PALLD: variants seen among roughly 807,000 people sequenced by gnomAD.
PALLD encodes palladin.
PALLD carries 61 observed loss-of-function variants against 123.5 expected under a neutral mutation model. The ratio of observed to expected loss-of-function variants is 0.49; its 90% CI spans 0.40 to 0.61. The LOEUF (loss-of-function observed/expected upper bound fraction) is 0.61. PALLD is among the 20% of genes least tolerant of loss of function. The probability of loss-of-function intolerance (pLI) is 0.00; values close to 1 mark genes in which losing one functional copy is unlikely to be tolerated. For synonymous variants in PALLD, 465 were observed against 496.4 expected (o/e 0.94, Z 0.84); for missense variants, 1,273 against 1,377.0 (o/e 0.92, Z 1.20).
At chr4:168,648,624 C>T (rs1204200921) in intron 2 of PALLD, 1 of 152,192 alleles carries the variant, frequency 6.6e-6, no homozygotes, top group Non-Finnish European at 1.5e-5. Context: ...CACCAAGCAT[C>T]TGCTTTTAAG....
chr4:168,591,457 T>C (rs768265370), intron 2 of PALLD, among the ~76,000 whole-genome samples: 10 of 152,202 alleles, frequency 6.6e-5, no homozygotes, highest in Non-Finnish European at 1.3e-4. Flanking sequence ...AATACATCCC[T>C]ATGAAACTGA....
At chr4:168,722,197 A>G (rs903074990) in intron 10 of PALLD, among the ~76,000 whole-genome samples, 1 of 152,080 alleles carries the variant, frequency 6.6e-6, no homozygotes, top group African/African-American at 2.4e-5. Flanking sequence ...AGTGCACAAC[A>G]CCACACCCAG....
intron 10 of PALLD, among the ~76,000 whole-genome samples, chr4:168,785,733 G>A (rs1428723371): frequency 6.6e-6 from 1 of 151,124 alleles, no homozygotes; most frequent in Non-Finnish European, 1.5e-5. Flanking sequence ...AACAATTTCA[G>A]CCTCAAATTT....
At chr4:168,526,191 T>A (rs1764028346) in intron 2 of PALLD, among the ~76,000 whole-genome samples, 1 of 152,236 alleles carries the variant, frequency 6.6e-6, no homozygotes, top group Non-Finnish European at 1.5e-5. Flanking sequence ...CTTAGCTACC[T>A]GCAATTCGGA....
chr4:168,881,027 C>T (rs1352180199), intron 10 of PALLD, among the ~76,000 whole-genome samples: 1 of 152,158 alleles, frequency 6.6e-6, no homozygotes, highest in East Asian at 1.9e-4. Context: ...GCCTCAGCCA[C>T]CTAAATAGCT....
At chr4:168,593,016 C>CT (rs550751989) in intron 2 of PALLD, among the ~76,000 whole-genome samples, 106 of 147,636 alleles carry the variant, frequency 7.2e-4, no homozygotes, top group African/African-American at 2.0e-3. Context: ...TTGCCTCTTC[C>CT]TTTAAAAAAA....
rs753823323 is a variant in PALLD, at chr4:168,512,045, T to A, written c.541T>A (p.Ser181Thr). The A allele has an allele frequency of 1.2e-6, 2 of 1,614,088 alleles. No individual in the cohort carries two copies. Among genetic ancestry groups the A allele is most frequent in the Non-Finnish European group, 1.7e-6 (2 of 1,180,010 alleles). ...KAANLIEELTSIFKAAKPRNR... is the reference protein window; with the variant it reads ...KAANLIEELTTIFKAAKPRNR... Reference sequence around the variant, plus strand: ...AGCTAATTTAATTGAGGAGCTAACATCCATATTTAAAGCCGCAAAGCCAAG... The same window carrying A: ...AGCTAATTTAATTGAGGAGCTAACAACCATATTTAAAGCCGCAAAGCCAAG... Residue 181 changes from serine (S) to threonine (T), a missense_variant, in exon 2 of 22, where the codon TCC (serine) becomes ACC (threonine). This residue lies in a region of PALLD where 944 missense variants were observed against 954.5 expected (regional missense o/e 0.99). Transcript: ENST00000505667.
At chr4:168,903,163 A>G (rs906935115) in intron 14 of PALLD, among the ~76,000 whole-genome samples, 1 of 152,188 alleles carries the variant, frequency 6.6e-6, no homozygotes. Context: ...GGTGACAAAC[A>G]TTTAACCTTT....
At chr4:168,860,936 A>C (rs1265230727) in intron 10 of PALLD, among the ~76,000 whole-genome samples, 2 of 152,270 alleles carry the variant, frequency 1.3e-5, no homozygotes, top group Admixed American at 6.5e-5. Context: ...AAGAAATGGA[A>C]GAAATTGAAG....
chr4:168,772,095 C>A (rs780160052), intron 10 of PALLD, among the ~76,000 whole-genome samples: 5 of 152,132 alleles, frequency 3.3e-5, no homozygotes, highest in African/African-American at 4.8e-5. Context: ...ATGTGCCTAG[C>A]ATTCAACACT....
At chr4:168,670,625 C>T (rs1372423805) in intron 3 of PALLD, among the ~76,000 whole-genome samples, 4 of 149,922 alleles carry the variant, frequency 2.7e-5, no homozygotes, top group Admixed American at 6.6e-5. Flanking sequence ...CCCAGCTACT[C>T]GGGAGGCTGA....
intron 17 of PALLD, 126 bp from the exon 18 acceptor site, chr4:168,921,406 CAA>C (rs5863967): frequency 0.072 from 25,278 of 349,616 alleles, no homozygotes; most frequent in Middle Eastern, 0.11. Context: ...AAACTCTGTC[CAA>C]AAAAAAAAAA....
At chr4:168,500,435 C>T (rs1761278882) in intron 1 of PALLD, among the ~76,000 whole-genome samples, 2 of 152,278 alleles carry the variant, frequency 1.3e-5, no homozygotes, top group African/African-American at 4.8e-5. Flanking sequence ...CTGATCATCG[C>T]TCACTGCAGC....
intron 10 of PALLD, among the ~76,000 whole-genome samples, chr4:168,736,259 TAGAA>T (rs1365644212): frequency 2.0e-5 from 3 of 152,250 alleles, no homozygotes; most frequent in Non-Finnish European, 4.4e-5. Context: ...TATACATACT[TAGAA>T]AGCATCACAC....
At chr4:168,672,709 C>T (rs1297285202) in intron 3 of PALLD, among the ~76,000 whole-genome samples, 1 of 152,270 alleles carries the variant, frequency 6.6e-6, no homozygotes, top group African/African-American at 2.4e-5. Context: ...CCACCCGCCT[C>T]GGCCTCCCAA....
At chr4:168,770,709 C>T (rs1734279613) in intron 10 of PALLD, among the ~76,000 whole-genome samples, 1 of 151,886 alleles carries the variant, frequency 6.6e-6, no homozygotes, top group East Asian at 1.9e-4. Context: ...GTTTCCTATA[C>T]ACTTCAGAGA....
intron 10 of PALLD, among the ~76,000 whole-genome samples, chr4:168,811,745 TTC>T (rs1298712536): frequency 3.8e-5 from 5 of 130,446 alleles, no homozygotes; most frequent in Admixed American, 1.5e-4. Flanking sequence ...CTGTCTCTCT[TTC>T]TCTCTCTCTT....
intron 10 of PALLD, among the ~76,000 whole-genome samples, chr4:168,806,631 C>G (rs917724130): frequency 2.0e-5 from 3 of 152,146 alleles, no homozygotes; most frequent in African/African-American, 7.2e-5. Flanking sequence ...ATTCAATCAC[C>G]TATCATTTTT....
At chr4:168,518,172 T>C (rs919814548) in intron 2 of PALLD, among the ~76,000 whole-genome samples, 3 of 152,094 alleles carry the variant, frequency 2.0e-5, no homozygotes, top group Non-Finnish European at 4.4e-5. Context: ...GTCCAATTCA[T>C]CCAGCAAATC....
Sources: gnomAD v4.1 joint callset for allele counts (sites outside exome capture counted in the v4.1 genomes callset) on GRCh38, gnomAD v4.1.1 for gene constraint, gnomAD v4.1.1 regional missense constraint, MANE v1.5 for transcripts, NCBI Gene and HGNC (gene_info 2026-07-23, HGNC 2026-07-21) for gene names.